CHD7: variants seen among roughly 807,000 people sequenced by gnomAD.
CHD7 encodes chromodomain helicase DNA binding protein 7, also known as ATP-dependent chromatin remodeler CHD7.
CHD7 carries 24 observed loss-of-function variants against 307.3 expected under a neutral mutation model. The observed-to-expected ratio is 0.08, with a 90% confidence interval of 0.06 to 0.11. The LOEUF (loss-of-function observed/expected upper bound fraction) is 0.11, where lower values mean the gene tolerates loss of function less well. CHD7 is among the 10% of genes least tolerant of loss of function. The pLI is 1.00. For synonymous variants in CHD7, 1,363 were observed against 1,349.9 expected, an observed-to-expected ratio of 1.01 and a Z score of -0.21; for missense variants, 3,106 against 3,727.1, an observed-to-expected ratio of 0.83 and a Z score of 4.34.
At chr8:60,767,159 C>A (rs1810510590) in intron 2 of CHD7, among the ~76,000 whole-genome samples, 1 of 152,076 alleles carries the variant, frequency 6.6e-6, no homozygotes, top group African/African-American at 2.4e-5. Context: ...TTGGTGAGAG[C>A]AACTTTTGTG....
At chr8:60,843,800 G>A (rs1805076808) in intron 21 of CHD7, among the ~76,000 whole-genome samples, 2 of 152,206 alleles carry the variant, frequency 1.3e-5, no homozygotes, top group Non-Finnish European at 2.9e-5. Context: ...AAGAGGGAGT[G>A]CTGGGGTTTG....
Position 60,709,404 on chromosome 8 carries a change from G to A in CHD7, c.-175+30322G>A, listed in dbSNP as rs566657054. ...TATTTTTGTATTCCTGTAGCAGCCA[G>A]CAAACAGCTTAGAATAGTAGGTTTA... On this transcript the variant is annotated intron_variant, in intron 1 of 37. Coordinates refer to ENST00000423902, the MANE Select transcript of CHD7 (RefSeq NM_017780.4). Among the ~76,000 whole-genome samples, 6 of 152,314 alleles carry A rather than the reference G, an allele frequency of 3.9e-5. No individual in the cohort carries two copies. In the South Asian group the frequency reaches 1.2e-3, roughly 32 times the overall value.
chr8:60,701,613 T>A (rs1001708519), intron 1 of CHD7, among the ~76,000 whole-genome samples: 2 of 152,248 alleles, frequency 1.3e-5, no homozygotes, highest in Non-Finnish European at 1.5e-5. Flanking sequence ...ATGGGAATAT[T>A]TCCTGATATT....
chr8:60,861,265 T>C, intron 35 of CHD7, 140 bp downstream of exon 35: 1 of 649,996 alleles, frequency 1.5e-6, no homozygotes, highest in Non-Finnish European at 2.6e-6. Context: ...TCCCAGGTCT[T>C]TGTTGTTGAA....
rs1267716402 is a variant in CHD7, at chr8:60,810,617, C to CT, written c.2498+2352dup. On this transcript the variant is annotated intron_variant, in intron 7 of 37. Transcript: ENST00000423902. ...CTGGCTCTCTTATTTTTTATGTTTG[C>CT]TTTTTTTCAGTCCTAACATATATAG... Among the ~76,000 whole-genome samples the CT allele has an allele frequency of 2.6e-5, 4 of 151,944 alleles. No individual in the cohort carries two copies. The East Asian group carries it at 5.8e-4, about 22-fold the overall frequency.
rs1411913199 is a variant in CHD7, at chr8:60,728,921, T to G, written c.-174-12338T>G. 3.3e-5 allele frequency among the ~76,000 whole-genome samples: 5 copies of G among 152,276 alleles called. No individual in the cohort carries two copies. The South Asian group carries it at 6.2e-4, about 19-fold the overall frequency. ...TACAGATTATTTCATCACCCAGGAA[T>G]TAAGCCCAGTACCCAATAGTTATCT... On this transcript the variant is annotated intron_variant, in intron 1 of 37. Coordinates refer to ENST00000423902, the MANE Select transcript of CHD7 (RefSeq NM_017780.4).
At chr8:60,826,759 CG>C (rs1804270040) in intron 13 of CHD7, among the ~76,000 whole-genome samples, 1 of 152,184 alleles carries the variant, frequency 6.6e-6, no homozygotes, top group Non-Finnish European at 1.5e-5. Flanking sequence ...CCCCCATCCA[CG>C]AGGAGGGGAT....
rs41265252 is a variant in CHD7, at chr8:60,852,279, C to T, written c.5894+32C>T. 2,587 of 1,573,062 alleles carry T rather than the reference C, an allele frequency of 1.6e-3. 33 individuals carry two copies. The African/African-American group carries it at 0.027, about 16-fold the overall frequency. On this transcript the variant is annotated intron_variant, in intron 29 of 37. Coordinates refer to ENST00000423902, the MANE Select transcript of CHD7 (RefSeq NM_017780.4). ...TTCTTCAAGGTTTCCACTCAGCTCC[C>T]GGTACATGCCCCTCTGCCCTGCTCC...
In CHD7 at chr8:60,766,977, G is replaced by T. The variant is rs771379761; in HGVS notation, c.1666-14023G>T. On this transcript the variant is annotated intron_variant, in intron 2 of 37. Transcript: ENST00000423902. ...GTTGAGATCCAAACTCGGAGGCCTG[G>T]AGCGCCCCAGAAATTATAGGTCGAG... Among the ~76,000 whole-genome samples the T allele has an allele frequency of 4.3e-4, 66 of 152,224 alleles. 1 individual carries two copies. Among genetic ancestry groups the T allele is most frequent in the Admixed American group, 5.9e-4 (9 of 15,284 alleles).
rs892533813 is a variant in CHD7, at chr8:60,742,124, G to C, written c.692G>C (p.Gly231Ala). 1 of 1,613,768 alleles carries C rather than the reference G, an allele frequency of 6.2e-7. No homozygotes were observed. The highest frequency in any genetic ancestry group is 1.3e-5 in the African/African-American group (1 of 74,878). The change falls in exon 2 of 38, where the codon GGA becomes GCA. Residue 231 changes from glycine (G) to alanine (A), a missense_variant. This residue lies in a region of CHD7 where 998 missense variants were observed against 1,004.5 expected (regional missense o/e 0.99). Transcript: ENST00000423902. ...GGAAATCCTTTTATTGCCACCTCAG[G>C]ACCTGGCCACTTGTCCCACGTGCCC... is the stretch of plus-strand genomic sequence containing the variant. ...NQGNPFIATS[G>A]PGHLSHVPQQ...
rs975760177 is a variant in CHD7 at position 60,777,936 on chromosome 8, A to G, written c.1666-3064A>G. On this transcript the variant is annotated intron_variant, in intron 2 of 37. Transcript: ENST00000423902. Reference sequence around the variant, plus strand: ...ATACCTTTGGTATCTAACATTCTCCATGTTTGCTCTAATAAATGAGAGGTT... The same window carrying G: ...ATACCTTTGGTATCTAACATTCTCCGTGTTTGCTCTAATAAATGAGAGGTT... Among the ~76,000 whole-genome samples, 6 of 152,168 alleles carry G rather than the reference A, an allele frequency of 3.9e-5. No individual in the cohort carries two copies. In the South Asian group the frequency reaches 6.2e-4, roughly 16 times the overall value.
At chr8:60,804,449 G>T (rs1343235807) in intron 6 of CHD7, among the ~76,000 whole-genome samples, 2 of 152,104 alleles carry the variant, frequency 1.3e-5, no homozygotes, top group African/African-American at 4.8e-5. Context: ...TATTTTCAGA[G>T]TGTGTGTTTT....
At chr8:60,761,258 C>T (rs984870650) in intron 2 of CHD7, among the ~76,000 whole-genome samples, 5 of 146,708 alleles carry the variant, frequency 3.4e-5, no homozygotes, top group South Asian at 2.2e-4. Flanking sequence ...AACCAAACAC[C>T]GCATATTCTC....
intron 2 of CHD7, among the ~76,000 whole-genome samples, chr8:60,758,329 G>T (rs1399714707): frequency 6.6e-6 from 1 of 152,004 alleles, no homozygotes; most frequent in Non-Finnish European, 1.5e-5. Flanking sequence ...TCACCGTGTT[G>T]CCCAGGCTGG....
At chr8:60,680,545 C>G (rs1805568864) in intron 1 of CHD7, among the ~76,000 whole-genome samples, 1 of 152,110 alleles carries the variant, frequency 6.6e-6, no homozygotes, top group Non-Finnish European at 1.5e-5. Context: ...CTCGAGGAGC[C>G]CGGAGCCGTG....
chr8:60,729,314 T>C (rs1337310383), intron 1 of CHD7, among the ~76,000 whole-genome samples: 3 of 152,162 alleles, frequency 2.0e-5, no homozygotes, highest in Admixed American at 2.0e-4. Context: ...TGTCAGAACA[T>C]TTTTTGCCAA....
chr8:60,820,609 T>C lies in CHD7; in HGVS notation c.2697+519T>C, dbSNP rs6997401. 7.6e-3 allele frequency among the ~76,000 whole-genome samples: 1,164 copies of C among 152,348 alleles called. 19 individuals are homozygous for C. The highest frequency in any genetic ancestry group is 0.026 in the African/African-American group (1,083 of 41,580). ...CTGTAAGATTATAAGGGATATTTGA[T>C]AGGGAAGTAAGAATGAAGACAAGTG... On this transcript the variant is annotated intron_variant, in intron 9 of 37. Transcript: ENST00000423902.
Position 60,856,543 on chromosome 8 carries a change from G to T in CHD7, c.7263G>T (p.Met2421Ile), listed in dbSNP as rs1342706035. 6.2e-7 allele frequency: 1 copy of T among 1,613,908 alleles called. No homozygotes were observed. The highest frequency in any genetic ancestry group is 8.5e-7 in the Non-Finnish European group (1 of 1,179,910). Residue 2421 changes from methionine (M) to isoleucine (I), a missense_variant, in exon 34 of 38, where the codon ATG becomes ATT. This residue lies in a region of CHD7 where 1,030 missense variants were observed against 1,165.4 expected (regional missense o/e 0.88). Transcript: ENST00000423902. ...GAGCTGCCAAGAGGCGAAATCTCAT[G>T]GAGATGGTTGCCCAGCTTCGAGAGT... Reference protein sequence around the residue: ...AERAAKRRNLMEMVAQLRESQ... With the variant: ...AERAAKRRNLIEMVAQLRESQ...
At chr8:60,680,181 C>G (rs1805530199) in intron 1 of CHD7, among the ~76,000 whole-genome samples, 1 of 151,866 alleles carries the variant, frequency 6.6e-6, no homozygotes, top group African/African-American at 2.4e-5. Flanking sequence ...GTGCGCTCTG[C>G]CCTCGCAGAG....
Sources: gnomAD v4.1 joint callset for allele counts (sites outside exome capture counted in the v4.1 genomes callset) on GRCh38, gnomAD v4.1.1 for gene constraint, gnomAD v4.1.1 regional missense constraint, MANE v1.5 for transcripts, NCBI Gene and HGNC (gene_info 2026-07-23, HGNC 2026-07-21) for gene names.